Variants in ARGFX observed in about 807,000 individuals in gnomAD.
ARGFX encodes arginine-fifty homeobox.
Under a neutral mutation model 8.0 loss-of-function variants are expected in ARGFX, and 10 were observed. The observed-to-expected ratio is 1.25, with a 90% CI of 0.77 to 2.12. The LOEUF is 2.12. Ranked by LOEUF, ARGFX falls within the 30% of genes most tolerant of loss-of-function variation. ARGFX has a pLI of 0.00. For missense variants in ARGFX, 282 were observed against 324.3 expected (o/e 0.87, Z 1.00); for synonymous variants, 116 against 117.8 (o/e 0.98, Z 0.10).
chr3:121,578,437 T>G (rs2048757855), intron 3 of ARGFX, among the ~76,000 whole-genome samples: 1 of 151,980 alleles, frequency 6.6e-6, no homozygotes, highest in Non-Finnish European at 1.5e-5. Context: ...ACATTCCCCT[T>G]TTATGCTTGA....
rs138443796 is a variant in ARGFX at position 121,575,800 on chromosome 3, C to T, written c.104-984C>T. Among the ~76,000 whole-genome samples the T allele has an allele frequency of 3.2e-3, 486 of 152,088 alleles. 5 individuals are homozygous for T. Among genetic ancestry groups the T allele is most frequent in the African/African-American group, 0.011 (465 of 41,512 alleles). On this transcript the variant is annotated intron_variant, in intron 2 of 4. Transcript: ENST00000334384. ...TGGTGGTGAGCGCCTGTAGTCTCAG[C>T]TACTTGGGAGGCTGAGGCAGGAGAA... is the stretch of plus-strand genomic sequence containing the variant.
chr3:121,570,926 A>C lies in ARGFX; in HGVS notation c.103+110A>C, dbSNP rs1020397085. 13 of 710,930 alleles carry C rather than the reference A, an allele frequency of 1.8e-5. No individual in the cohort carries two copies. In the South Asian group the frequency reaches 4.4e-4, roughly 24 times the overall value. 44.0% of individuals were successfully genotyped at this position (710,930 alleles called of 1,614,324 possible). A position where few individuals can be genotyped will look rare whatever the true frequency, so the allele number is the denominator to read the frequency against. On this transcript the variant is annotated intron_variant, in intron 2 of 4. Coordinates refer to ENST00000334384, the MANE Select transcript of ARGFX (RefSeq NM_001012659.2). ...AAGGCAGCTATTGATTGTTTTAAAAAATCTATTCAAAAAGTCTTCCCATCA... is the reference window on the plus strand; with the variant it reads ...AAGGCAGCTATTGATTGTTTTAAAACATCTATTCAAAAAGTCTTCCCATCA...
At chr3:121,568,476 G>A (rs774988322) in intron 1 of ARGFX, among the ~76,000 whole-genome samples, 1 of 152,196 alleles carries the variant, frequency 6.6e-6, no homozygotes, top group Non-Finnish European at 1.5e-5. Context: ...CCTCGATCAG[G>A]GAAAGCACTG....
At position 121,580,606 on chromosome 3, in the gene ARGFX, A is replaced by ATTTTTTT. The variant is rs57666199; in HGVS notation, c.220+3716_220+3722dup. On this transcript the variant is annotated intron_variant, in intron 3 of 4. Coordinates refer to ENST00000334384, the MANE Select transcript of ARGFX (RefSeq NM_001012659.2). ...TGTGTGTGTGTGTGTATATATATAT[A>ATTTTTTT]TTTTTTTTTTTTTTTTGAGATGAAG... Among the ~76,000 whole-genome samples the ATTTTTTT allele has an allele frequency of 5.1e-4, 59 of 115,202 alleles. 3 individuals are homozygous for ATTTTTTT. Among genetic ancestry groups the ATTTTTTT allele is most frequent in the East Asian group, 2.4e-3 (8 of 3,394 alleles). 75.6% of individuals were successfully genotyped at this position (115,202 alleles called of 152,430 possible).
intron 1 of ARGFX, among the ~76,000 whole-genome samples, 64 bp downstream of exon 1, chr3:121,568,077 G>GA (rs1576438970): frequency 2.0e-5 from 3 of 152,158 alleles, no homozygotes; most frequent in East Asian, 3.9e-4. Context: ...AAGAGGATTT[G>GA]AAAAATCAAA....
chr3:121,582,111 A>G (rs2048783728), intron 3 of ARGFX, among the ~76,000 whole-genome samples: 1 of 152,166 alleles, frequency 6.6e-6, no homozygotes, highest in East Asian at 1.9e-4. Context: ...TAAACAATTT[A>G]CAGTTTGTAA....
rs555142309 is a variant in ARGFX at position 121,569,618 on chromosome 3, G to A, written c.-12-1084G>A. On this transcript the variant is annotated intron_variant, in intron 1 of 4. Coordinates refer to ENST00000334384, the MANE Select transcript of ARGFX (RefSeq NM_001012659.2). ...TGACCTCAAGTAATTCACCCTCCTC[G>A]GCCTTTCAAAGTGCTGAGATTACAG... Among the ~76,000 whole-genome samples, 7 of 152,126 alleles carry A rather than the reference G, an allele frequency of 4.6e-5. No homozygotes were observed. In the East Asian group the frequency reaches 5.8e-4, roughly 13 times the overall value.
chr3:121,584,857 G>A, intron 3 of ARGFX, 60 bp from the exon 4 acceptor site: 1 of 1,556,020 alleles, frequency 6.4e-7, no homozygotes, highest in East Asian at 2.3e-5. Flanking sequence ...TGTTTTTTTG[G>A]TTGGGGGGAG....
At position 121,584,987 on chromosome 3, in the gene ARGFX, T is replaced by G; in HGVS notation, c.291T>G (p.Phe97Leu). ...HQQYEELEAL[F>L]SQTMFPDRNL... is the part of the protein sequence containing the mutation. The stretch of plus-strand genomic sequence containing the variant: ...AGTATGAGGAGCTAGAAGCTCTGTT[T>G]AGCCAGACCATGTTCCCAGATAGAA... The change falls in exon 4 of 5, where the codon TTT (phenylalanine) becomes TTG (leucine). Residue 97 changes from phenylalanine (F) to leucine (L), a missense_variant. Transcript: ENST00000334384. 1.2e-6 allele frequency: 2 copies of G among 1,614,048 alleles called. No homozygotes were observed. The highest frequency in any genetic ancestry group is 1.7e-6 in the Non-Finnish European group (2 of 1,179,998).
At chr3:121,572,461 G>A (rs991359247) in intron 2 of ARGFX, among the ~76,000 whole-genome samples, 4 of 149,752 alleles carry the variant, frequency 2.7e-5, no homozygotes, top group African/African-American at 9.8e-5. Context: ...AGGCTAGATG[G>A]GCTCGAACTC....
intron 1 of ARGFX, among the ~76,000 whole-genome samples, chr3:121,569,945 T>C (rs1263587297): frequency 6.6e-6 from 1 of 152,234 alleles, no homozygotes; most frequent in African/African-American, 2.4e-5. Context: ...CTTAACCATA[T>C]ATATTATTTT....
At chr3:121,577,323 G>T (rs1176920720) in intron 3 of ARGFX, among the ~76,000 whole-genome samples, 1 of 141,462 alleles carries the variant, frequency 7.1e-6, no homozygotes, top group Non-Finnish European at 1.5e-5. Flanking sequence ...GCGTGGTCTT[G>T]GCTCACTGCA....
chr3:121,588,249 C>T lies in ARGFX; in HGVS notation c.*1649C>T, dbSNP rs1328045037. ...TTGGGAGGCCGAGGCGGGCGGATCA[C>T]GAGGTCAGGAGATTGAGACCAGCCT... On this transcript the variant is annotated 3_prime_UTR_variant, in exon 5 of 5. Coordinates refer to ENST00000334384, the MANE Select transcript of ARGFX (RefSeq NM_001012659.2). Among the ~76,000 whole-genome samples, 4 of 144,056 alleles carry T rather than the reference C, an allele frequency of 2.8e-5. No individual in the cohort carries two copies. Among genetic ancestry groups the T allele is most frequent in the East Asian group, 4.1e-4 (2 of 4,882 alleles). 94.5% of individuals were successfully genotyped at this position (144,056 alleles called of 152,430 possible).
intron 3 of ARGFX, among the ~76,000 whole-genome samples, chr3:121,577,478 T>A (rs983756851): frequency 6.6e-6 from 1 of 151,476 alleles, no homozygotes; most frequent in Non-Finnish European, 1.5e-5. Flanking sequence ...GGTCTTGAAC[T>A]CGTGACCTCA....
intron 1 of ARGFX, among the ~76,000 whole-genome samples, chr3:121,569,667 G>A (rs1001904956): frequency 6.6e-6 from 1 of 152,110 alleles, no homozygotes; most frequent in Admixed American, 6.6e-5. Context: ...TGCCCGTCCT[G>A]CAATGTGAAA....
intron 3 of ARGFX, among the ~76,000 whole-genome samples, chr3:121,581,595 A>G (rs528433163): frequency 6.6e-6 from 1 of 152,318 alleles, no homozygotes; most frequent in African/African-American, 2.4e-5. Context: ...TTAATTTTAA[A>G]TTAACATTTA....
chr3:121,586,725 A>C lies in ARGFX; in HGVS notation c.*125A>C. On this transcript the variant is annotated 3_prime_UTR_variant, in exon 5 of 5. Transcript: ENST00000334384. ...GTCTGTGTCTCTGATTTCCATGTAAATGTTGCAAAAAGAGTTTTCCAAGTA... is the reference window on the plus strand; with the variant it reads ...GTCTGTGTCTCTGATTTCCATGTAACTGTTGCAAAAAGAGTTTTCCAAGTA... 1 of 875,198 alleles carries C rather than the reference A, an allele frequency of 1.1e-6. No individual in the cohort carries two copies. Among genetic ancestry groups the C allele is most frequent in the Non-Finnish European group, 1.7e-6 (1 of 587,374 alleles). The allele number at this position is 875,198 out of a possible 1,614,324, so 54.2% of individuals were successfully genotyped here.
At chr3:121,584,220 A>AAGGG in intron 3 of ARGFX, among the ~76,000 whole-genome samples, 1 of 132,904 alleles carries the variant, frequency 7.5e-6, no homozygotes, top group Non-Finnish European at 1.7e-5. Flanking sequence ...GGAAGGAAGG[A>AAGGG]AGGAAGGAAG....
rs931818110 is a variant in ARGFX, at chr3:121,588,181, A to G, written c.*1581A>G. 4.6e-5 allele frequency among the ~76,000 whole-genome samples: 7 copies of G among 151,878 alleles called. No individual in the cohort carries two copies. Among genetic ancestry groups the G allele is most frequent in the African/African-American group, 7.2e-5 (3 of 41,396 alleles). On this transcript the variant is annotated 3_prime_UTR_variant, in exon 5 of 5. Coordinates refer to ENST00000334384, the MANE Select transcript of ARGFX (RefSeq NM_001012659.2). Reference sequence around the variant, plus strand: ...TTCTGAACACCAGTAATAAAGAAACATAAGGGCTGGGGGTGGTGGCTCATG... The same window carrying G: ...TTCTGAACACCAGTAATAAAGAAACGTAAGGGCTGGGGGTGGTGGCTCATG...
Sources: gnomAD v4.1 joint callset for allele counts (sites outside exome capture counted in the v4.1 genomes callset) on GRCh38, gnomAD v4.1.1 for gene constraint, MANE v1.5 for transcripts, NCBI Gene and HGNC (gene_info 2026-07-23, HGNC 2026-07-21) for gene names.